Variants in HERC1 observed in about 807,000 individuals in gnomAD.
HERC1 encodes the protein HECT and RLD domain containing E3 ubiquitin protein ligase family member 1.
HERC1 carries 160 observed loss-of-function variants against 554.3 expected under a neutral mutation model. That is an observed-to-expected ratio of 0.29 (90% CI 0.25 to 0.33). The LOEUF is 0.33. Ranked by LOEUF, HERC1 falls within the 10% of genes least tolerant of loss-of-function variation. The probability of loss-of-function intolerance (pLI) is 1.00; values close to 1 mark genes in which losing one functional copy is unlikely to be tolerated. For missense variants in HERC1, 4,919 were observed against 5,918.5 expected (o/e 0.83, Z 5.54); for synonymous variants, 2,175 against 2,131.7 (o/e 1.02, Z -0.56).
intron 33 of HERC1, among the ~76,000 whole-genome samples, chr15:63,689,373 A>G (rs766929082): frequency 6.6e-6 from 1 of 152,200 alleles, no homozygotes; most frequent in Non-Finnish European, 1.5e-5. Context: ...GACAGAGAAG[A>G]CTTCACAGAT....
In HERC1 at chr15:63,694,297, A is replaced by G. The variant is rs988961172; in HGVS notation, c.5480+15T>C. The G allele has an allele frequency of 6.2e-7, 1 of 1,605,694 alleles. No homozygotes were observed. Among genetic ancestry groups the G allele is most frequent in the Non-Finnish European group, 8.5e-7 (1 of 1,175,532 alleles). On this transcript the variant is annotated intron_variant, in intron 29 of 77. Coordinates refer to ENST00000443617, the MANE Select transcript of HERC1 (RefSeq NM_003922.4). The surrounding 1 kb of genome is among the most constrained non-coding windows in gnomAD (Gnocchi z 4.3). ...AGACTTCATACAGTTCTACAAAGAC[A>G]TCTACCATACTTACCCAGTAGTGAT...
chr15:63,624,507 G>A (rs774504284), intron 71 of HERC1, among the ~76,000 whole-genome samples, 180 bp from the exon 72 acceptor site: 3 of 152,146 alleles, frequency 2.0e-5, no homozygotes, highest in Admixed American at 6.6e-5. Context: ...GACTAGCCTG[G>A]GTAACATGGC....
rs367715460 is a variant in HERC1 at position 63,663,163 on chromosome 15, G to A, written c.8722C>T (p.Arg2908Trp). The change falls in exon 44 of 78, where the codon CGG becomes TGG. Residue 2908 changes from arginine to tryptophan, a missense_variant. Arg to Trp is a moderately radical substitution (Grantham distance 101). Transcript: ENST00000443617. ...TGCTGCAAAGATATTCCTTCTCTCC[G>A]ACTTTGATTCCTGTGGGCCTGCACA... is the stretch of plus-strand genomic sequence containing the variant. ...RSVQAHRNQS[R>W]REGISLQQDP... The A allele has an allele frequency of 5.0e-6, 8 of 1,613,956 alleles. No homozygotes were observed. The highest frequency in any genetic ancestry group is 1.6e-4 in the Middle Eastern group (1 of 6,062).
intron 53 of HERC1, among the ~76,000 whole-genome samples, chr15:63,650,455 C>T (rs1453615745): frequency 6.6e-6 from 1 of 151,086 alleles, no homozygotes; most frequent in Non-Finnish European, 1.5e-5. Flanking sequence ...GCTGTGTTGC[C>T]CAGGTTGGAG....
intron 10 of HERC1, among the ~76,000 whole-genome samples, chr15:63,748,687 CTA>C: frequency 6.6e-6 from 1 of 152,178 alleles, no homozygotes; most frequent in East Asian, 1.9e-4. Context: ...AGAGGAATAA[CTA>C]TTGATAAATA....
At chr15:63,716,646 T>G (rs1443199747) in intron 21 of HERC1, among the ~76,000 whole-genome samples, 173 bp from the exon 22 acceptor site, 1 of 152,164 alleles carries the variant, frequency 6.6e-6, no homozygotes, top group African/African-American at 2.4e-5. Flanking sequence ...AGAAATAATG[T>G]ATGTACACAA....
At position 63,749,363 on chromosome 15, in the gene HERC1, T is replaced by C; in HGVS notation, c.2219+4A>G. ...CAAGAATTTTTAAACATAGGCACTC[T>C]TACCTGTCCCTAGGAAGAGCAGTCC... On this transcript the variant is annotated splice_donor_region_variant and intron_variant, in intron 10 of 77. Transcript: ENST00000443617. The surrounding 1 kb of genome is among the most constrained non-coding windows in gnomAD (Gnocchi z 4.1). 1 of 1,591,064 alleles carries C rather than the reference T, an allele frequency of 6.3e-7. No homozygotes were observed. Among genetic ancestry groups the C allele is most frequent in the Non-Finnish European group, 8.5e-7 (1 of 1,171,938 alleles).
chr15:63,677,811 T>C lies in HERC1; in HGVS notation c.7070+34A>G. On this transcript the variant is annotated intron_variant, in intron 37 of 77. Coordinates refer to ENST00000443617, the MANE Select transcript of HERC1 (RefSeq NM_003922.4). This position sits in a 1 kb window ranked among gnomAD's most constrained non-coding sequence, Gnocchi z 4.4. ...AATGGCCTATTTCACCATTAAATAT[T>C]TGTTTGCTAAAAGTGTAACTCAACA... The C allele has an allele frequency of 1.9e-6, 3 of 1,580,784 alleles. No homozygotes were observed. Among genetic ancestry groups the C allele is most frequent in the Non-Finnish European group, 2.6e-6 (3 of 1,160,362 alleles).
In HERC1 at chr15:63,779,121, G is replaced by T. The variant is rs148110100; in HGVS notation, c.-26-3472C>A. The stretch of plus-strand genomic sequence containing the variant: ...AGGGTGAGAGAAATAATTAGAAAAA[G>T]ATAAGAAAAAAGAATAATATTCATA... On this transcript the variant is annotated intron_variant, in intron 1 of 77. Coordinates refer to ENST00000443617, the MANE Select transcript of HERC1 (RefSeq NM_003922.4). 7.1e-3 allele frequency among the ~76,000 whole-genome samples: 1,078 copies of T among 151,868 alleles called. 14 individuals carry two copies. Among genetic ancestry groups the T allele is most frequent in the African/African-American group, 0.025 (1,037 of 41,476 alleles).
chr15:63,768,571 G>A (rs1323697145), intron 2 of HERC1, among the ~76,000 whole-genome samples: 1 of 152,180 alleles, frequency 6.6e-6, no homozygotes, highest in African/African-American at 2.4e-5. Flanking sequence ...CTGTGGCTTC[G>A]TTATCTAAAA....
chr15:63,805,023 TTA>T (rs2077096277), intron 1 of HERC1, among the ~76,000 whole-genome samples: 1 of 152,162 alleles, frequency 6.6e-6, no homozygotes, highest in African/African-American at 2.4e-5. Context: ...GCTTGGCAGT[TTA>T]TCATAAACAC....
chr15:63,662,921 A>G, intron 44 of HERC1, 63 bp downstream of exon 44: 1 of 1,241,378 alleles, frequency 8.1e-7, no homozygotes, highest in Non-Finnish European at 1.2e-6. Flanking sequence ...TGCTGTTAGT[A>G]AGCTATATGA....
At chr15:63,619,813 T>C (rs2067992251) in intron 74 of HERC1, among the ~76,000 whole-genome samples, 1 of 152,150 alleles carries the variant, frequency 6.6e-6, no homozygotes, top group South Asian at 2.1e-4. Context: ...TGATGGTAGT[T>C]TGTATTTCTG....
At chr15:63,676,262 G>C (rs2071200184) in intron 37 of HERC1, among the ~76,000 whole-genome samples, 1 of 152,094 alleles carries the variant, frequency 6.6e-6, no homozygotes, top group Non-Finnish European at 1.5e-5. Context: ...AAGAATGAGA[G>C]GAAAGGTCGA....
intron 39 of HERC1, among the ~76,000 whole-genome samples, 179 bp from the exon 40 acceptor site, chr15:63,669,877 A>G (rs567272961): frequency 1.3e-4 from 20 of 152,376 alleles, no homozygotes; most frequent in African/African-American, 4.3e-4. Flanking sequence ...CAGCACTTTC[A>G]GTATAAATGT....
intron 68 of HERC1, among the ~76,000 whole-genome samples, chr15:63,631,189 T>A (rs2068537834): frequency 6.6e-6 from 1 of 152,168 alleles, no homozygotes; most frequent in Admixed American, 6.5e-5. Context: ...ATTCAACTTG[T>A]CTTGTCCTCA....
chr15:63,671,062 G>C lies in HERC1; in HGVS notation c.8046-1364C>G, dbSNP rs368844126. Among the ~76,000 whole-genome samples the C allele has an allele frequency of 5.3e-5, 8 of 152,124 alleles. No homozygotes were observed. The South Asian group carries it at 1.2e-3, about 24-fold the overall frequency. On this transcript the variant is annotated intron_variant, in intron 39 of 77. Coordinates refer to ENST00000443617, the MANE Select transcript of HERC1 (RefSeq NM_003922.4). The stretch of plus-strand genomic sequence containing the variant: ...ACTAAAAATACAAAAAGTTAGCCGG[G>C]AGTGGTAGCACATGCCTGTAATCCC...
At position 63,694,137 on chromosome 15, in the gene HERC1, C is replaced by T. The variant is rs770218639; in HGVS notation, c.5501G>A (p.Ser1834Asn). The part of the protein sequence containing the change: ...ITTGTYADKL[S>N]PKVVQSLLDL... ...CAACAAGGATTGAACTACTTTGGGACTCAGTTTATCAGCATAGGTCCTATG... is the reference window on the plus strand; with the variant it reads ...CAACAAGGATTGAACTACTTTGGGATTCAGTTTATCAGCATAGGTCCTATG... The change falls in exon 30 of 78, where the codon AGT (serine) becomes AAT (asparagine). Residue 1834 changes from serine (S) to asparagine (N), a missense_variant. Around this residue, in one of 11 missense-constraint regions of HERC1, gnomAD observed 1,121 missense variants for 1,244.0 expected, o/e 0.90. Transcript: ENST00000443617. This position sits in a 1 kb window ranked among gnomAD's most constrained non-coding sequence, Gnocchi z 4.3. 8.1e-6 allele frequency: 13 copies of T among 1,606,036 alleles called. No individual in the cohort carries two copies. In the Admixed American group the frequency reaches 1.0e-4, roughly 13 times the overall value.
At chr15:63,741,218 G>A (rs545961442) in intron 12 of HERC1, among the ~76,000 whole-genome samples, 8 of 151,938 alleles carry the variant, frequency 5.3e-5, no homozygotes, top group South Asian at 4.2e-4. Flanking sequence ...TAGTAGAGAC[G>A]GGGTTTCACC....
Sources: gnomAD v4.1 joint callset for allele counts (sites outside exome capture counted in the v4.1 genomes callset) on GRCh38, gnomAD v4.1.1 for gene constraint, gnomAD v4.1.1 regional missense constraint, Gnocchi (gnomAD v3.1) non-coding constraint, MANE v1.5 for transcripts, NCBI Gene and HGNC (gene_info 2026-07-23, HGNC 2026-07-21) for gene names.